The following IL1RAPL2 variants were observed in gnomAD, a reference collection of about 807,000 sequenced individuals.
IL1RAPL2 encodes X-linked interleukin-1 receptor accessory protein-like 2.
IL1RAPL2 carries 3 observed loss-of-function variants against 44.1 expected under a neutral mutation model. The observed-to-expected ratio is 0.07, with a 90% CI of 0.03 to 0.18. IL1RAPL2 has a LOEUF of 0.18. Among genes scored for constraint, IL1RAPL2 ranks in the 10% least tolerant of loss-of-function variants. The pLI is 1.00. For synonymous variants in IL1RAPL2, 181 were observed against 178.8 expected, an observed-to-expected ratio of 1.01 and a Z score of -0.10; for missense variants, 391 against 496.4, an observed-to-expected ratio of 0.79 and a Z score of 2.02.
intron 2 of IL1RAPL2, among the ~76,000 whole-genome samples, chrX:105,158,343 A>G (rs1290086323): frequency 9.1e-6 from 1 of 109,880 alleles, no homozygotes; most frequent in African/African-American, 3.3e-5. Context: ...TGGGTGACAG[A>G]GCGAGACTCC....
At chrX:105,149,913 A>G (rs960029061) in intron 2 of IL1RAPL2, among the ~76,000 whole-genome samples, 1 of 111,226 alleles carries the variant, frequency 9.0e-6, no homozygotes, top group Admixed American at 9.6e-5. Flanking sequence ...TTATATTTTA[A>G]TAATCATAAG....
At position 105,144,355 on chromosome X, in the gene IL1RAPL2, A is replaced by C. The variant is rs1429264059; in HGVS notation, c.83-51120A>C. ...ATCTACCTATGGTAGGTAAATGAGCAGACTTACCTTCAATATGGGAAGATT... is the reference window on the plus strand; with the variant it reads ...ATCTACCTATGGTAGGTAAATGAGCCGACTTACCTTCAATATGGGAAGATT... On this transcript the variant is annotated intron_variant, in intron 2 of 10. Transcript: ENST00000372582. Among the ~76,000 whole-genome samples the C allele has an allele frequency of 2.7e-5, 3 of 111,195 alleles. No individual in the cohort carries two copies. In the South Asian group the frequency reaches 1.1e-3, roughly 42 times the overall value.
intron 6 of IL1RAPL2, among the ~76,000 whole-genome samples, chrX:105,628,450 G>A (rs1206524807): frequency 1.8e-5 from 2 of 111,765 alleles, no homozygotes; most frequent in African/African-American, 6.5e-5. Flanking sequence ...AAAAAAAATT[G>A]TAAAATTAAG....
intron 2 of IL1RAPL2, among the ~76,000 whole-genome samples, chrX:104,892,198 A>G (rs1468590019): frequency 1.8e-5 from 2 of 111,707 alleles, no homozygotes; most frequent in African/African-American, 6.5e-5. Context: ...TCGGTTTGCC[A>G]GTATTTTATT....
chrX:105,021,423 G>A (rs1476854614), intron 2 of IL1RAPL2, among the ~76,000 whole-genome samples: 2 of 110,458 alleles, frequency 1.8e-5, no homozygotes, highest in Non-Finnish European at 3.8e-5. Context: ...TATGCTGCTC[G>A]GAGTTTATGG....
chrX:104,649,484 G>A (rs1359679488), intron 1 of IL1RAPL2, among the ~76,000 whole-genome samples: 2 of 111,131 alleles, frequency 1.8e-5, no homozygotes, highest in Non-Finnish European at 3.8e-5. Context: ...GGACCTCAGG[G>A]CCATCTCTAT....
At chrX:105,587,760 C>T (rs1253423958) in intron 6 of IL1RAPL2, among the ~76,000 whole-genome samples, 1 of 111,788 alleles carries the variant, frequency 8.9e-6, no homozygotes, top group Non-Finnish European at 1.9e-5. Flanking sequence ...ATTTCCAGGC[C>T]AGACGTGGAG....
intron 1 of IL1RAPL2, among the ~76,000 whole-genome samples, chrX:104,608,198 G>A (rs1929060294): frequency 9.1e-6 from 1 of 110,461 alleles, no homozygotes; most frequent in Non-Finnish European, 1.9e-5. Context: ...ATGGACACGT[G>A]GAGGGGAACA....
chrX:105,373,626 T>C (rs2035361796), intron 5 of IL1RAPL2, among the ~76,000 whole-genome samples: 1 of 111,944 alleles, frequency 8.9e-6, no homozygotes, highest in Non-Finnish European at 1.9e-5. Context: ...GCCTAAGTTG[T>C]CTTCCATGGT....
At chrX:105,682,934 T>C (rs1378153902) in intron 6 of IL1RAPL2, among the ~76,000 whole-genome samples, 1 of 112,411 alleles carries the variant, frequency 8.9e-6, no homozygotes, top group Non-Finnish European at 1.9e-5. Flanking sequence ...ACATTTAAGA[T>C]ACAAATTGGA....
At chrX:104,583,934 C>A (rs1319915334) in intron 1 of IL1RAPL2, among the ~76,000 whole-genome samples, 1 of 111,629 alleles carries the variant, frequency 9.0e-6, no homozygotes, top group African/African-American at 3.3e-5. Context: ...ATTCTCCTTA[C>A]AATAACATCC....
At chrX:105,028,994 G>A (rs1016786417) in intron 2 of IL1RAPL2, among the ~76,000 whole-genome samples, 19 of 109,232 alleles carry the variant, frequency 1.7e-4, no homozygotes, top group Non-Finnish European at 2.5e-4. Flanking sequence ...CAGTTGTGCC[G>A]TCTTTAAATA....
At chrX:105,665,377 G>A (rs1298989690) in intron 6 of IL1RAPL2, among the ~76,000 whole-genome samples, 1 of 108,874 alleles carries the variant, frequency 9.2e-6, no homozygotes, top group Non-Finnish European at 1.9e-5. Context: ...GTGTGTGTGT[G>A]TAATTTAAGC....
chrX:105,371,179 GTTGTCTCTTTA>G (rs2035336736), intron 5 of IL1RAPL2, among the ~76,000 whole-genome samples: 1 of 111,955 alleles, frequency 8.9e-6, no homozygotes, highest in Non-Finnish European at 1.9e-5. Flanking sequence ...CATTATGTAG[GTTGTCTCTTTA>G]TTGTATTGAC....
At chrX:105,373,206 A>G (rs1476249581) in intron 5 of IL1RAPL2, among the ~76,000 whole-genome samples, 1 of 112,153 alleles carries the variant, frequency 8.9e-6, no homozygotes, top group Non-Finnish European at 1.9e-5. Context: ...TTAATAGTAG[A>G]CATTCTAACT....
chrX:104,701,264 A>C (rs1328668296), intron 2 of IL1RAPL2, among the ~76,000 whole-genome samples: 1 of 111,839 alleles, frequency 8.9e-6, no homozygotes, highest in Non-Finnish European at 1.9e-5. Flanking sequence ...CAAATGTTGC[A>C]AAGTAGGTAC....
chrX:104,722,359 C>A (rs1054318611), intron 2 of IL1RAPL2, among the ~76,000 whole-genome samples: 1 of 111,288 alleles, frequency 9.0e-6, no homozygotes, highest in Non-Finnish European at 1.9e-5. Context: ...TAAAAAATGT[C>A]AAAAATGTTT....
At chrX:104,810,064 C>A (rs1208993204) in intron 2 of IL1RAPL2, among the ~76,000 whole-genome samples, 1 of 110,297 alleles carries the variant, frequency 9.1e-6, no homozygotes, top group Non-Finnish European at 1.9e-5. Flanking sequence ...CATATATACA[C>A]CTTGGAATAC....
chrX:105,041,716 G>GA (rs1174443122), intron 2 of IL1RAPL2, among the ~76,000 whole-genome samples: 1 of 108,099 alleles, frequency 9.3e-6, no homozygotes, highest in Non-Finnish European at 1.9e-5. Context: ...CACAGAATTG[G>GA]AAAAAACTAC....
Sources: allele counts gnomAD v4.1 joint callset (sites outside exome capture counted in the v4.1 genomes callset), GRCh38; gene constraint gnomAD v4.1.1; transcripts MANE v1.5; gene names NCBI Gene and HGNC (gene_info 2026-07-23, HGNC 2026-07-21).